Variants in CACHD1 observed in about 807,000 individuals in gnomAD.
CACHD1 encodes VWFA and cache domain-containing protein 1.
A neutral mutation model predicts 138.7 loss-of-function variants in CACHD1; 71 were observed. The observed-to-expected ratio is 0.51, with a 90% CI of 0.42 to 0.62. The LOEUF (loss-of-function observed/expected upper bound fraction) is 0.62, where lower values mean the gene tolerates loss of function less well. Among genes scored for constraint, CACHD1 ranks in the 20% least tolerant of loss-of-function variants. The pLI is 0.00. For missense variants in CACHD1, 1,389 were observed against 1,625.3 expected, an observed-to-expected ratio of 0.85 and a Z score of 2.50; for synonymous variants, 578 against 591.5, an observed-to-expected ratio of 0.98 and a Z score of 0.33.
intron 19 of CACHD1, 47 bp downstream of exon 19, chr1:64,673,511 T>C (rs1477690541): frequency 1.4e-6 from 2 of 1,410,922 alleles, no homozygotes. Flanking sequence ...CATCCCATTA[T>C]GGAACATGAA....
intron 2 of CACHD1, among the ~76,000 whole-genome samples, chr1:64,565,263 C>T (rs1420617773): frequency 6.7e-6 from 1 of 150,268 alleles, no homozygotes. Flanking sequence ...GTTTAGTTCA[C>T]CCTCTTACCC....
intron 1 of CACHD1, among the ~76,000 whole-genome samples, chr1:64,516,413 A>G (rs1646459781): frequency 6.6e-6 from 1 of 152,188 alleles, no homozygotes; most frequent in African/African-American, 2.4e-5. Context: ...AACCTGTCGT[A>G]CTGCCTAACA....
intron 5 of CACHD1, 33 bp downstream of exon 5, chr1:64,629,514 A>G: frequency 1.2e-6 from 2 of 1,608,910 alleles, no homozygotes; most frequent in East Asian, 4.5e-5. Flanking sequence ...GTTTTTAATT[A>G]TTGCTTAAGA....
chr1:64,678,350 A>T (rs757162108), intron 23 of CACHD1, 40 bp downstream of exon 23: 1 of 1,515,116 alleles, frequency 6.6e-7, no homozygotes, highest in Non-Finnish European at 8.8e-7. Context: ...ATTCTTGAAT[A>T]TACAATTTCC....
intron 3 of CACHD1, among the ~76,000 whole-genome samples, chr1:64,590,045 C>A (rs556747857): frequency 4.6e-5 from 7 of 152,252 alleles, no homozygotes; most frequent in Admixed American, 1.3e-4. Context: ...CAGTGGCTCA[C>A]GCCTGTAATC....
chr1:64,559,117 A>G (rs565160717), intron 2 of CACHD1, among the ~76,000 whole-genome samples: 25 of 152,342 alleles, frequency 1.6e-4, no homozygotes, highest in Non-Finnish European at 2.8e-4. Context: ...AAATGGAACT[A>G]TCATTTGATC....
At chr1:64,685,107 C>A (rs1006037091) in intron 26 of CACHD1, among the ~76,000 whole-genome samples, 2 of 152,166 alleles carry the variant, frequency 1.3e-5, no homozygotes, top group Non-Finnish European at 2.9e-5. Context: ...CTGCGCCCGG[C>A]CACAGGTGTA....
chr1:64,531,247 A>G (rs1257797483), intron 1 of CACHD1, among the ~76,000 whole-genome samples: 1 of 152,210 alleles, frequency 6.6e-6, no homozygotes, highest in South Asian at 2.1e-4. Context: ...AGGGAGTCCA[A>G]TTCATTGTGT....
intron 9 of CACHD1, among the ~76,000 whole-genome samples, chr1:64,651,655 G>A (rs971575014): frequency 7.2e-5 from 11 of 151,960 alleles, no homozygotes; most frequent in South Asian, 4.2e-4. Flanking sequence ...ACCTCATCTC[G>A]AAATATTAAA....
At chr1:64,569,024 C>T (rs189030917) in intron 2 of CACHD1, among the ~76,000 whole-genome samples, 8 of 152,240 alleles carry the variant, frequency 5.3e-5, no homozygotes, top group East Asian at 3.9e-4. Flanking sequence ...TGGATTCAAA[C>T]GATTTTCCTG....
intron 1 of CACHD1, among the ~76,000 whole-genome samples, chr1:64,529,032 CTG>C (rs1402123919): frequency 1.3e-5 from 2 of 152,020 alleles, no homozygotes; most frequent in African/African-American, 4.8e-5. Context: ...TTTTAAGTAT[CTG>C]TTATAATTTG....
At chr1:64,508,173 A>C (rs189958502) in intron 1 of CACHD1, among the ~76,000 whole-genome samples, 4 of 152,286 alleles carry the variant, frequency 2.6e-5, no homozygotes, top group Non-Finnish European at 5.9e-5. Context: ...AGTCATTATC[A>C]TGAGAAGAGC....
chr1:64,605,702 C>T lies in CACHD1; in HGVS notation c.517+2790C>T, dbSNP rs552350549. On this transcript the variant is annotated intron_variant, in intron 4 of 26. Transcript: ENST00000651257. ...GGTCCCCTGCCAAGACCACCCACAT[C>T]AGTGGGTCGGTCAGATCTTGGAGGA... Among the ~76,000 whole-genome samples, 6 of 152,288 alleles carry T rather than the reference C, an allele frequency of 3.9e-5. No individual in the cohort carries two copies. The East Asian group carries it at 7.7e-4, about 20-fold the overall frequency.
In CACHD1 at chr1:64,512,780, T is replaced by G. The variant is rs183390653; in HGVS notation, c.199-37814T>G. Among the ~76,000 whole-genome samples, 3 of 152,346 alleles carry G rather than the reference T, an allele frequency of 2.0e-5. No homozygotes were observed. In the East Asian group the frequency reaches 5.8e-4, roughly 29 times the overall value. Reference sequence around the variant, plus strand: ...TGAATAGCTGATACAAAAAATCTTTTGGCGGGGTAGAACTTGGTTTTTCAG... The same window carrying G: ...TGAATAGCTGATACAAAAAATCTTTGGGCGGGGTAGAACTTGGTTTTTCAG... On this transcript the variant is annotated intron_variant, in intron 1 of 26. Coordinates refer to ENST00000651257, the MANE Select transcript of CACHD1 (RefSeq NM_020925.4).
At chr1:64,556,114 A>C (rs1381582665) in intron 2 of CACHD1, among the ~76,000 whole-genome samples, 1 of 152,158 alleles carries the variant, frequency 6.6e-6, no homozygotes, top group Non-Finnish European at 1.5e-5. Flanking sequence ...TGCTGTCATT[A>C]AAGTAAAAGG....
rs3078381 is a variant in CACHD1, at chr1:64,535,327, G to GTTTT, written c.199-15255_199-15252dup. ...AGTATACTTGATGGGAATTTGGAGG[G>GTTTT]TTTTTTTTTTTTTTTGAGATAGAGT... On this transcript the variant is annotated intron_variant, in intron 1 of 26. Transcript: ENST00000651257. Among the ~76,000 whole-genome samples the GTTTT allele has an allele frequency of 2.1e-3, 285 of 136,624 alleles. 3 individuals are homozygous for GTTTT. Among genetic ancestry groups the GTTTT allele is most frequent in the African/African-American group, 4.4e-3 (162 of 36,748 alleles). 89.6% of individuals were successfully genotyped at this position (136,624 alleles called of 152,430 possible). A position where few individuals can be genotyped will look rare whatever the true frequency, so the allele number is the denominator to read the frequency against.
At chr1:64,626,062 G>A (rs1648091079) in intron 4 of CACHD1, among the ~76,000 whole-genome samples, 1 of 152,210 alleles carries the variant, frequency 6.6e-6, no homozygotes, top group South Asian at 2.1e-4. Context: ...GTTGACAGAG[G>A]CATCACCATG....
intron 26 of CACHD1, among the ~76,000 whole-genome samples, chr1:64,685,906 CAT>C (rs938344905): frequency 6.7e-6 from 1 of 150,350 alleles, no homozygotes; most frequent in African/African-American, 2.5e-5. Context: ...AATGAAATGA[CAT>C]ATGATAGGCA....
At chr1:64,592,864 A>C (rs1335087360) in intron 3 of CACHD1, among the ~76,000 whole-genome samples, 1 of 152,212 alleles carries the variant, frequency 6.6e-6, no homozygotes, top group Non-Finnish European at 1.5e-5. Flanking sequence ...AAGGTACAAA[A>C]GCAAAGACGT....
Sources: allele counts gnomAD v4.1 joint callset (sites outside exome capture counted in the v4.1 genomes callset), GRCh38; gene constraint gnomAD v4.1.1; transcripts MANE v1.5; gene names NCBI Gene and HGNC (gene_info 2026-07-23, HGNC 2026-07-21).